ATP13A4: variants seen among roughly 807,000 people sequenced by gnomAD.
The protein encoded by ATP13A4 is probable cation-transporting ATPase 13A4.
ATP13A4 carries 114 observed loss-of-function variants against 142.5 expected under a neutral mutation model. That is an observed-to-expected ratio of 0.80 (90% confidence interval 0.69 to 0.93). The LOEUF (loss-of-function observed/expected upper bound fraction) is 0.93. Ranked by LOEUF, ATP13A4 falls within the 40% of genes least tolerant of loss-of-function variation. The pLI, the probability that ATP13A4 is intolerant of heterozygous loss-of-function variation, is 0.00. For missense variants in ATP13A4, 1,392 were observed against 1,454.0 expected (o/e 0.96, Z 0.69); for synonymous variants, 488 against 514.8 (o/e 0.95, Z 0.70).
At chr3:193,576,222 G>C (rs889424599) in intron 2 of ATP13A4, among the ~76,000 whole-genome samples, 1 of 138,132 alleles carries the variant, frequency 7.2e-6, no homozygotes, top group South Asian at 2.5e-4. Flanking sequence ...GACTTTCCAC[G>C]ATCCATGGAA....
chr3:193,510,241 T>C (rs915999060), intron 2 of ATP13A4, among the ~76,000 whole-genome samples: 2 of 152,184 alleles, frequency 1.3e-5, no homozygotes, highest in South Asian at 2.1e-4. Flanking sequence ...GCGTGGCTGA[T>C]TGGCAGAGTT....
At chr3:193,591,268 C>T (rs1341944294) in intron 1 of ATP13A4, among the ~76,000 whole-genome samples, 2 of 152,184 alleles carry the variant, frequency 1.3e-5, no homozygotes, top group Admixed American at 6.5e-5. Flanking sequence ...CTCCTGACCT[C>T]GTGATCTGCC....
intron 29 of ATP13A4, chr3:193,404,274 C>CACAG (rs1553828709): frequency 0.015 from 6,202 of 415,948 alleles, 377 homozygotes; most frequent in African/African-American, 0.13. Context: ...CACACACACA[C>CACAG]AGAGAGAGAA....
intron 3 of ATP13A4, among the ~76,000 whole-genome samples, chr3:193,495,061 C>T (rs768749879): frequency 6.6e-6 from 1 of 151,868 alleles, no homozygotes; most frequent in Non-Finnish European, 1.5e-5. Flanking sequence ...TGAAGAAATA[C>T]AAAATGTGAA....
chr3:193,490,840 T>A (rs1376276119), intron 6 of ATP13A4, among the ~76,000 whole-genome samples: 1 of 152,134 alleles, frequency 6.6e-6, no homozygotes, highest in African/African-American at 2.4e-5. Flanking sequence ...TTGATAATAA[T>A]CGCTGTAAAG....
intron 13 of ATP13A4, among the ~76,000 whole-genome samples, chr3:193,461,391 A>C (rs1203553477): frequency 6.6e-6 from 1 of 152,240 alleles, no homozygotes; most frequent in Non-Finnish European, 1.5e-5. Context: ...ATTTGAACAA[A>C]TGTACACATA....
At chr3:193,573,527 G>C (rs1724333644) in intron 2 of ATP13A4, among the ~76,000 whole-genome samples, 1 of 151,774 alleles carries the variant, frequency 6.6e-6, no homozygotes, top group African/African-American at 2.4e-5. Context: ...AGGCTGGCAT[G>C]AGGGGCTCCT....
At chr3:193,571,167 A>G (rs145525866) in intron 2 of ATP13A4, among the ~76,000 whole-genome samples, 51 of 151,662 alleles carry the variant, frequency 3.4e-4, no homozygotes, top group African/African-American at 1.2e-3. Flanking sequence ...GATCCCACCT[A>G]TTCAAGAGGC....
chr3:193,571,294 A>T (rs2108741342), intron 2 of ATP13A4, among the ~76,000 whole-genome samples: 1 of 151,912 alleles, frequency 6.6e-6, no homozygotes, highest in Non-Finnish European at 1.5e-5. Context: ...AAAAAAAAGA[A>T]ATATCCATGA....
intron 1 of ATP13A4, among the ~76,000 whole-genome samples, chr3:193,525,950 C>T (rs1220782232): frequency 6.6e-6 from 1 of 152,050 alleles, no homozygotes; most frequent in East Asian, 1.9e-4. Flanking sequence ...GCAATGGTTC[C>T]CACCCTTCTT....
chr3:193,462,065 T>C (rs1717981142), intron 13 of ATP13A4, among the ~76,000 whole-genome samples: 1 of 151,484 alleles, frequency 6.6e-6, no homozygotes. Context: ...CTACTAAAAA[T>C]ACAAAAATTA....
At chr3:193,455,328 G>A (rs1213503034) in intron 16 of ATP13A4, among the ~76,000 whole-genome samples, 12 of 126,736 alleles carry the variant, frequency 9.5e-5, no homozygotes, top group Admixed American at 8.0e-4. Flanking sequence ...GCAACAGAGC[G>A]AGACTCCGTC....
intron 26 of ATP13A4, 35 bp from the exon 27 acceptor site, chr3:193,412,406 G>C: frequency 6.3e-7 from 1 of 1,590,544 alleles, no homozygotes; most frequent in Non-Finnish European, 8.6e-7. Context: ...AATGAAGTAA[G>C]ATTGCAAGGC....
intron 7 of ATP13A4, among the ~76,000 whole-genome samples, chr3:193,488,058 G>A (rs1240886869): frequency 6.6e-6 from 1 of 152,172 alleles, no homozygotes; most frequent in African/African-American, 2.4e-5. Context: ...GAGGTCAGGA[G>A]ATCAACACCA....
At chr3:193,512,506 C>T (rs1362243034) in intron 2 of ATP13A4, among the ~76,000 whole-genome samples, 1 of 152,166 alleles carries the variant, frequency 6.6e-6, no homozygotes, top group Non-Finnish European at 1.5e-5. Flanking sequence ...AACAAGTGAG[C>T]TCACAAATGG....
chr3:193,474,666 AG>A (rs1291756206), intron 8 of ATP13A4, among the ~76,000 whole-genome samples: 2 of 149,740 alleles, frequency 1.3e-5, no homozygotes, highest in Non-Finnish European at 3.0e-5. Context: ...AAAGAAAGAA[AG>A]AAAAAGAAAG....
chr3:193,417,724 G>A (rs1222949759), intron 25 of ATP13A4, among the ~76,000 whole-genome samples: 2 of 137,012 alleles, frequency 1.5e-5, no homozygotes, highest in Admixed American at 1.8e-4. Flanking sequence ...GGTGGCTCAT[G>A]CCTGTAATCC....
intron 3 of ATP13A4, among the ~76,000 whole-genome samples, chr3:193,499,684 T>C (rs1720430197): frequency 6.6e-6 from 1 of 152,186 alleles, no homozygotes; most frequent in Admixed American, 6.5e-5. Flanking sequence ...TATAAAGTGA[T>C]GGCTATCTAC....
Position 193,489,598 on chromosome 3 carries a change from G to A in ATP13A4, c.738+132C>T, listed in dbSNP as rs1269476863. 3.9e-5 allele frequency: 35 copies of A among 899,252 alleles called. No individual in the cohort carries two copies. The South Asian group carries it at 5.0e-4, about 13-fold the overall frequency. 55.7% of individuals were successfully genotyped at this position (899,252 alleles called of 1,614,324 possible). A position where few individuals can be genotyped will look rare whatever the true frequency, so the allele number is the denominator to read the frequency against. On this transcript the variant is annotated intron_variant, in intron 7 of 29. Coordinates refer to ENST00000342695, the MANE Select transcript of ATP13A4 (RefSeq NM_032279.4). ...TTGTTGAACACTGGTTACTGTGCTA[G>A]GTATTTACAAACTTGCTCTCATTTA...
Sources: allele counts gnomAD v4.1 joint callset (sites outside exome capture counted in the v4.1 genomes callset), GRCh38; gene constraint gnomAD v4.1.1; transcripts MANE v1.5; gene names NCBI Gene and HGNC (gene_info 2026-07-23, HGNC 2026-07-21).